Variants in PTPRD observed in about 807,000 individuals in gnomAD.
PTPRD encodes receptor-type tyrosine-protein phosphatase delta.
A neutral mutation model predicts 214.5 loss-of-function variants in PTPRD; 34 were observed. The observed-to-expected ratio is 0.16, with a 90% confidence interval of 0.12 to 0.21. PTPRD has a LOEUF of 0.21. Ranked by LOEUF, PTPRD falls within the 10% of genes least tolerant of loss-of-function variation. The pLI is 1.00. For missense variants in PTPRD, 2,545 were observed against 2,398.7 expected (o/e 1.06, Z -1.27); for synonymous variants, 1,128 against 845.7 (o/e 1.33, Z -5.79).
rs1344833706 is a variant in PTPRD, at chr9:8,806,208, G to A, written c.-103-72262C>T. ...CCAAAGTGCTGGGATTACAGGCATG[G>A]AGATACTGCGCCTGGCCAGCTTACA... is the stretch of plus-strand genomic sequence containing the variant. On this transcript the variant is annotated intron_variant, in intron 11 of 45. Transcript: ENST00000381196. 5.4e-5 allele frequency among the ~76,000 whole-genome samples: 8 copies of A among 148,578 alleles called. 1 individual carries two copies. The highest frequency in any genetic ancestry group is 1.0e-4 in the Non-Finnish European group (7 of 67,204).
chr9:10,146,887 A>C (rs72696921), intron 3 of PTPRD, among the ~76,000 whole-genome samples: 1 of 152,158 alleles, frequency 6.6e-6, no homozygotes, highest in Non-Finnish European at 1.5e-5. Context: ...CAAATATCCA[A>C]TATATTTGGG....
chr9:10,148,450 T>C (rs927541465), intron 3 of PTPRD, among the ~76,000 whole-genome samples: 5 of 152,132 alleles, frequency 3.3e-5, no homozygotes, highest in African/African-American at 9.7e-5. Context: ...TAGAACTTCA[T>C]CTCTTCAATA....
At chr9:9,600,046 T>A (rs1209084186) in intron 7 of PTPRD, among the ~76,000 whole-genome samples, 1 of 151,958 alleles carries the variant, frequency 6.6e-6, no homozygotes, top group Non-Finnish European at 1.5e-5. Context: ...AGCAGATGAG[T>A]TACAATAAAT....
chr9:8,754,228 C>T (rs1167101732), intron 11 of PTPRD, among the ~76,000 whole-genome samples: 3 of 152,156 alleles, frequency 2.0e-5, no homozygotes, highest in Non-Finnish European at 4.4e-5. Flanking sequence ...TAAACTTCAG[C>T]ATACTATTCT....
chr9:10,085,034 A>G (rs1233293146), intron 3 of PTPRD, among the ~76,000 whole-genome samples: 1 of 151,918 alleles, frequency 6.6e-6, no homozygotes, highest in Non-Finnish European at 1.5e-5. Flanking sequence ...AAAGTAAAGG[A>G]TGTCCTCTGG....
At chr9:10,147,460 C>G (rs1455931421) in intron 3 of PTPRD, among the ~76,000 whole-genome samples, 6 of 152,116 alleles carry the variant, frequency 3.9e-5, no homozygotes, top group Admixed American at 3.9e-4. Context: ...TTCTAAAAGC[C>G]TGAGTTACGT....
chr9:10,598,436 A>T (rs2077107962), intron 2 of PTPRD, among the ~76,000 whole-genome samples: 1 of 151,772 alleles, frequency 6.6e-6, no homozygotes, highest in Non-Finnish European at 1.5e-5. Context: ...TCACAGCAAC[A>T]TTTTAGAAAC....
chr9:8,531,705 G>T (rs565936768), intron 14 of PTPRD, among the ~76,000 whole-genome samples: 5 of 152,124 alleles, frequency 3.3e-5, no homozygotes, highest in African/African-American at 1.2e-4. Flanking sequence ...CATAAATACT[G>T]CTCTGCTAGT....
At chr9:9,288,852 G>C (rs1471870680) in intron 9 of PTPRD, among the ~76,000 whole-genome samples, 1 of 151,930 alleles carries the variant, frequency 6.6e-6, no homozygotes, top group South Asian at 2.1e-4. Flanking sequence ...GTTCTCATGA[G>C]ATCTGATGGT....
intron 10 of PTPRD, among the ~76,000 whole-genome samples, chr9:9,126,630 A>G (rs1230792688): frequency 1.3e-5 from 2 of 152,198 alleles, no homozygotes; most frequent in East Asian, 1.9e-4. Context: ...AAAACAAGAT[A>G]GTCACTCAAT....
chr9:9,179,708 A>G (rs2131355915), intron 10 of PTPRD, among the ~76,000 whole-genome samples: 1 of 152,194 alleles, frequency 6.6e-6, no homozygotes, highest in South Asian at 2.1e-4. Context: ...TGGAAACCTG[A>G]TTCTTTTGCC....
intron 11 of PTPRD, among the ~76,000 whole-genome samples, chr9:8,864,345 G>A (rs571186590): frequency 6.6e-6 from 1 of 152,174 alleles, no homozygotes; most frequent in African/African-American, 2.4e-5. Context: ...ACATGCTTCA[G>A]GCAGTTAATG....
chr9:8,332,454 A>G (rs764825306), intron 43 of PTPRD, among the ~76,000 whole-genome samples: 1 of 152,168 alleles, frequency 6.6e-6, no homozygotes, highest in Non-Finnish European at 1.5e-5. Context: ...TTAGCAAACA[A>G]ATGCCCTTTT....
At chr9:10,269,690 T>C (rs2094309615) in intron 3 of PTPRD, among the ~76,000 whole-genome samples, 1 of 152,156 alleles carries the variant, frequency 6.6e-6, no homozygotes, top group Non-Finnish European at 1.5e-5. Flanking sequence ...ACTGTAACTT[T>C]AAAAATTACA....
intron 9 of PTPRD, among the ~76,000 whole-genome samples, chr9:9,280,507 T>G (rs1048322283): frequency 6.6e-6 from 1 of 151,226 alleles, no homozygotes. Flanking sequence ...AATTTGAGAT[T>G]GAAAACACAT....
intron 5 of PTPRD, among the ~76,000 whole-genome samples, chr9:9,812,809 A>G (rs2047561221): frequency 6.6e-6 from 1 of 152,160 alleles, no homozygotes; most frequent in African/African-American, 2.4e-5. Context: ...AGAAAATGCC[A>G]TTTAAGAAAA....
intron 2 of PTPRD, among the ~76,000 whole-genome samples, chr9:10,372,591 T>C (rs191765342): frequency 1.3e-5 from 2 of 152,120 alleles, no homozygotes; most frequent in Non-Finnish European, 2.9e-5. Context: ...CATTGCTGCC[T>C]TTCCTTTTAC....
At chr9:9,874,537 T>A (rs2066331858) in intron 5 of PTPRD, among the ~76,000 whole-genome samples, 1 of 152,144 alleles carries the variant, frequency 6.6e-6, no homozygotes, top group African/African-American at 2.4e-5. Flanking sequence ...CTAAAACAGG[T>A]GCTAGATTTA....
intron 3 of PTPRD, among the ~76,000 whole-genome samples, chr9:10,293,501 G>A (rs902710693): frequency 4.0e-5 from 6 of 151,850 alleles, no homozygotes; most frequent in Non-Finnish European, 7.4e-5. Context: ...AGTAAAACAC[G>A]TAGGATATTA....
Sources: allele counts gnomAD v4.1 joint callset (sites outside exome capture counted in the v4.1 genomes callset), GRCh38; gene constraint gnomAD v4.1.1; transcripts MANE v1.5; gene names NCBI Gene and HGNC (gene_info 2026-07-23, HGNC 2026-07-21).